Variants in NRG1 observed in about 807,000 individuals in gnomAD.
The protein encoded by NRG1 is pro-neuregulin-1, membrane-bound isoform.
NRG1 carries 18 observed loss-of-function variants against 63.8 expected under a neutral mutation model. That is an observed-to-expected ratio of 0.28 (90% CI 0.19 to 0.42). NRG1 has a LOEUF of 0.42. NRG1 is among the 10% of genes least tolerant of loss of function. The pLI, the probability that NRG1 is intolerant of heterozygous loss-of-function variation, is 1.00. For synonymous variants in NRG1, 302 were observed against 301.3 expected, an observed-to-expected ratio of 1.00 and a Z score of -0.02; for missense variants, 762 against 814.7, an observed-to-expected ratio of 0.94 and a Z score of 0.79.
intron 1 of NRG1, among the ~76,000 whole-genome samples, chr8:31,919,390 T>G (rs2129618339): frequency 6.7e-6 from 1 of 149,590 alleles, no homozygotes; most frequent in African/African-American, 2.4e-5. Context: ...TTGTCATTCT[T>G]TTTTTTTTTT....
At chr8:32,705,915 A>G (rs993758516) in intron 5 of NRG1, among the ~76,000 whole-genome samples, 3 of 152,232 alleles carry the variant, frequency 2.0e-5, no homozygotes, top group African/African-American at 7.2e-5. Context: ...GGAATTGCCC[A>G]ACCTACCAAG....
At chr8:32,542,450 G>T (rs142282623) in intron 1 of NRG1, among the ~76,000 whole-genome samples, 2 of 152,282 alleles carry the variant, frequency 1.3e-5, no homozygotes, top group South Asian at 2.1e-4. Context: ...TCACCAAAAA[G>T]TGTAAAGAGA....
intron 5 of NRG1, among the ~76,000 whole-genome samples, chr8:32,717,221 T>C (rs1819469937): frequency 6.6e-6 from 1 of 152,130 alleles, no homozygotes; most frequent in Admixed American, 6.6e-5. Context: ...CAGCTAGTCC[T>C]GGTTTTGGGT....
intron 1 of NRG1, among the ~76,000 whole-genome samples, chr8:31,799,117 G>A (rs1821509407): frequency 6.6e-6 from 1 of 152,048 alleles, no homozygotes; most frequent in African/African-American, 2.4e-5. Context: ...ATTTGTATAT[G>A]TGTGGGTGTA....
At chr8:31,778,579 A>C (rs753935912) in intron 1 of NRG1, among the ~76,000 whole-genome samples, 1 of 152,228 alleles carries the variant, frequency 6.6e-6, no homozygotes, top group Non-Finnish European at 1.5e-5. Context: ...TGAATTATCA[A>C]CACTGAACGT....
intron 1 of NRG1, among the ~76,000 whole-genome samples, chr8:32,420,322 A>AGAAAAGTTCC (rs1265493443): frequency 6.6e-5 from 10 of 152,292 alleles, no homozygotes; most frequent in Non-Finnish European, 1.5e-4. Flanking sequence ...TAAAAGAGAA[A>AGAAAAGTTCC]GAAAAGTTCC....
intron 1 of NRG1, among the ~76,000 whole-genome samples, chr8:31,807,825 AG>A (rs1822434546): frequency 6.6e-6 from 1 of 152,164 alleles, no homozygotes; most frequent in African/African-American, 2.4e-5. Context: ...TTTTATGAGT[AG>A]AATTATGCAG....
chr8:32,690,564 G>A (rs1448201461), intron 5 of NRG1, among the ~76,000 whole-genome samples: 1 of 144,680 alleles, frequency 6.9e-6, no homozygotes, highest in East Asian at 2.0e-4. Context: ...CCAGTATTAG[G>A]CCTTGCTCCA....
chr8:32,227,380 T>C (rs953393241), intron 1 of NRG1, among the ~76,000 whole-genome samples: 1 of 152,218 alleles, frequency 6.6e-6, no homozygotes, highest in Non-Finnish European at 1.5e-5. Flanking sequence ...TAAAATATGC[T>C]AAGTAGTACA....
At chr8:32,012,233 A>C (rs1814871534) in intron 1 of NRG1, among the ~76,000 whole-genome samples, 1 of 152,106 alleles carries the variant, frequency 6.6e-6, no homozygotes, top group South Asian at 2.1e-4. Flanking sequence ...GAAGCTGCTG[A>C]ATGCTAATAG....
chr8:31,836,621 A>G (rs1355882647), intron 1 of NRG1, among the ~76,000 whole-genome samples: 1 of 152,116 alleles, frequency 6.6e-6, no homozygotes, highest in African/African-American at 2.4e-5. Flanking sequence ...AGTACACAAA[A>G]AGGGTACTTT....
At chr8:31,715,565 T>A (rs969427747) in intron 1 of NRG1, among the ~76,000 whole-genome samples, 1 of 152,236 alleles carries the variant, frequency 6.6e-6, no homozygotes, top group Non-Finnish European at 1.5e-5. Context: ...AAATTTGTTC[T>A]TAACAGTGCA....
chr8:31,644,678 C>T (rs1804123167), intron 1 of NRG1, among the ~76,000 whole-genome samples: 1 of 152,102 alleles, frequency 6.6e-6, no homozygotes, highest in Non-Finnish European at 1.5e-5. Context: ...ATTCATTCTT[C>T]CGGAAATCTC....
chr8:31,900,210 A>C (rs1342534437), intron 1 of NRG1, among the ~76,000 whole-genome samples: 1 of 152,230 alleles, frequency 6.6e-6, no homozygotes, highest in Non-Finnish European at 1.5e-5. Context: ...ATGTGAAAAT[A>C]CTTAAGTAAT....
intron 1 of NRG1, among the ~76,000 whole-genome samples, chr8:32,209,866 G>A (rs538558533): frequency 2.2e-4 from 33 of 152,144 alleles, no homozygotes; most frequent in Non-Finnish European, 4.1e-4. Flanking sequence ...GAGGCACATG[G>A]AGAAGAAGCA....
chr8:32,385,659 A>G (rs1481144985), intron 1 of NRG1, among the ~76,000 whole-genome samples: 1 of 152,092 alleles, frequency 6.6e-6, no homozygotes, highest in Non-Finnish European at 1.5e-5. Flanking sequence ...CACCGTCACA[A>G]CAGTACCAAG....
At chr8:32,445,321 T>C (rs1423945241) in intron 1 of NRG1, among the ~76,000 whole-genome samples, 2 of 152,232 alleles carry the variant, frequency 1.3e-5, no homozygotes, top group Non-Finnish European at 2.9e-5. Context: ...CGAATACCTT[T>C]TTATCCATGG....
chr8:32,629,615 T>C (rs938820680), intron 5 of NRG1, among the ~76,000 whole-genome samples: 11 of 152,262 alleles, frequency 7.2e-5, no homozygotes, highest in Non-Finnish European at 1.3e-4. Context: ...TTAAATAATA[T>C]TTATTAGAGA....
At chr8:31,921,289 C>T (rs1012711583) in intron 1 of NRG1, among the ~76,000 whole-genome samples, 8 of 152,208 alleles carry the variant, frequency 5.3e-5, no homozygotes, top group South Asian at 2.1e-4. Flanking sequence ...TGTCTGTCAG[C>T]CTGGGTGATG....
Sources: allele counts gnomAD v4.1 joint callset (sites outside exome capture counted in the v4.1 genomes callset), GRCh38; gene constraint gnomAD v4.1.1; transcripts MANE v1.5; gene names NCBI Gene and HGNC (gene_info 2026-07-23, HGNC 2026-07-21).